KCNK13: variants seen among roughly 807,000 people sequenced by gnomAD.
KCNK13 encodes the protein potassium two pore domain channel subfamily K member 13, also known as potassium channel subfamily K member 13.
A neutral mutation model predicts 23.4 loss-of-function variants in KCNK13; 12 were observed. That is an observed-to-expected ratio of 0.51 (90% CI 0.33 to 0.83). The LOEUF is 0.83. Ranked by LOEUF, KCNK13 falls within the 40% of genes least tolerant of loss-of-function variation. KCNK13 has a pLI of 0.02. For synonymous variants in KCNK13, 231 were observed against 229.5 expected (o/e 1.01, Z -0.06); for missense variants, 463 against 556.3 (o/e 0.83, Z 1.69).
intron 1 of KCNK13, among the ~76,000 whole-genome samples, chr14:90,169,672 C>A (rs1000000373): frequency 3.3e-5 from 5 of 152,136 alleles, no homozygotes; most frequent in African/African-American, 4.8e-5. Context: ...AGTACAGATG[C>A]CCCCTGGACC....
intron 1 of KCNK13, among the ~76,000 whole-genome samples, chr14:90,140,593 T>C (rs1566643983): frequency 1.3e-5 from 2 of 152,078 alleles, no homozygotes; most frequent in African/African-American, 2.4e-5. Context: ...TGAAACCCAT[T>C]TCATTTTAAT....
intron 1 of KCNK13, among the ~76,000 whole-genome samples, chr14:90,137,835 C>T (rs1229457165): frequency 3.9e-5 from 6 of 152,130 alleles, no homozygotes; most frequent in African/African-American, 7.2e-5. Flanking sequence ...CTTACACACA[C>T]GATTGTGTGT....
intron 1 of KCNK13, among the ~76,000 whole-genome samples, chr14:90,088,762 C>A (rs1152440): frequency 6.6e-6 from 1 of 151,982 alleles, no homozygotes; most frequent in African/African-American, 2.4e-5. Flanking sequence ...ACAATTCCCA[C>A]GTGTCATGGG....
chr14:90,099,641 C>G (rs933820316), intron 1 of KCNK13, among the ~76,000 whole-genome samples: 4 of 152,122 alleles, frequency 2.6e-5, no homozygotes, highest in East Asian at 1.9e-4. Flanking sequence ...GTTGAGGACT[C>G]TAGATGGAAG....
intron 1 of KCNK13, among the ~76,000 whole-genome samples, chr14:90,065,763 A>G (rs1326972914): frequency 6.6e-6 from 1 of 152,180 alleles, no homozygotes; most frequent in Non-Finnish European, 1.5e-5. Context: ...GGTAGCCCTC[A>G]CGCAGAGATA....
chr14:90,093,784 T>G (rs1381369881), intron 1 of KCNK13, among the ~76,000 whole-genome samples: 1 of 152,344 alleles, frequency 6.6e-6, no homozygotes, highest in South Asian at 2.1e-4. Context: ...GTTTCCTTGT[T>G]CATGGGTGGA....
chr14:90,135,310 C>T (rs1234848942), intron 1 of KCNK13, among the ~76,000 whole-genome samples: 2 of 152,124 alleles, frequency 1.3e-5, no homozygotes, highest in East Asian at 1.9e-4. Context: ...CTCCTTGGGC[C>T]GCCTCAGGGT....
At chr14:90,083,269 T>C (rs150259967) in intron 1 of KCNK13, among the ~76,000 whole-genome samples, 2 of 152,360 alleles carry the variant, frequency 1.3e-5, no homozygotes, top group East Asian at 3.9e-4. Context: ...TTTGATAAAG[T>C]CCAATTTATT....
In KCNK13 at chr14:90,164,762, C is replaced by G. The variant is rs111999704; in HGVS notation, c.335-19349C>G. Among the ~76,000 whole-genome samples, 519 of 152,272 alleles carry G rather than the reference C, an allele frequency of 3.4e-3. 3 individuals carry two copies. Among genetic ancestry groups the G allele is most frequent in the African/African-American group, 0.012 (505 of 41,552 alleles). On this transcript the variant is annotated intron_variant, in intron 1 of 1. Coordinates refer to ENST00000282146, the MANE Select transcript of KCNK13 (RefSeq NM_022054.4). ...TTGTATCCCTGGGCCATGCTTTATTCTTGACACTTAAGTAAAACCATAAAA... is the reference window on the plus strand; with the variant it reads ...TTGTATCCCTGGGCCATGCTTTATTGTTGACACTTAAGTAAAACCATAAAA...
intron 1 of KCNK13, among the ~76,000 whole-genome samples, chr14:90,127,746 G>A (rs1463194010): frequency 5.4e-5 from 8 of 147,524 alleles, no homozygotes; most frequent in African/African-American, 1.0e-4. Flanking sequence ...TTGAGTCCAG[G>A]AGTTCGAGGC....
In KCNK13 at chr14:90,184,057, C is replaced by T. The variant is rs1194969060; in HGVS notation, c.335-54C>T. ...CCAGCCATCAAAGCCAAGACCTAGA[C>T]CCCATTCACAGCAAAGATTTCTCTT... On this transcript the variant is annotated intron_variant, in intron 1 of 1. Transcript: ENST00000282146. This position sits in a 1 kb window ranked among gnomAD's most constrained non-coding sequence, Gnocchi z 5.6. The T allele has an allele frequency of 3.3e-6, 5 of 1,521,440 alleles. No individual in the cohort carries two copies. The highest frequency in any genetic ancestry group is 2.5e-5 in the South Asian group (2 of 81,228). The allele number at this position is 1,521,440 out of a possible 1,614,324, so 94.2% of individuals were successfully genotyped here. A position where few individuals can be genotyped will look rare whatever the true frequency, so the allele number is the denominator to read the frequency against.
In KCNK13 at chr14:90,121,736, T is replaced by A. The variant is rs371838421; in HGVS notation, c.334+59197T>A. Among the ~76,000 whole-genome samples, 184 of 152,264 alleles carry A rather than the reference T, an allele frequency of 1.2e-3. 1 individual carries two copies. Among genetic ancestry groups the A allele is most frequent in the South Asian group, 8.9e-3 (43 of 4,820 alleles). On this transcript the variant is annotated intron_variant, in intron 1 of 1. Transcript: ENST00000282146. ...TGTGCTTTTTATTTTATTTTATTTT[T>A]TTTGAGACAGTCTCGCTCTGTCGCC...
chr14:90,180,765 A>G (rs1487389107), intron 1 of KCNK13, among the ~76,000 whole-genome samples: 1 of 152,194 alleles, frequency 6.6e-6, no homozygotes, highest in African/African-American at 2.4e-5. Flanking sequence ...GTCTGTGCCT[A>G]TGTCACTCAT....
At chr14:90,088,303 G>A (rs560605167) in intron 1 of KCNK13, among the ~76,000 whole-genome samples, 3 of 152,072 alleles carry the variant, frequency 2.0e-5, no homozygotes, top group East Asian at 1.9e-4. Context: ...ATGTTGATGA[G>A]TTGGTAAATG....
At chr14:90,172,932 C>T (rs1268997315) in intron 1 of KCNK13, among the ~76,000 whole-genome samples, 3 of 152,172 alleles carry the variant, frequency 2.0e-5, no homozygotes, top group Admixed American at 1.3e-4. Flanking sequence ...AACCCACTGC[C>T]CTTGCATGAA....
At chr14:90,135,636 T>C (rs1282392233) in intron 1 of KCNK13, among the ~76,000 whole-genome samples, 1 of 152,152 alleles carries the variant, frequency 6.6e-6, no homozygotes, top group Admixed American at 6.5e-5. Flanking sequence ...GGCTCCCACA[T>C]CAGGGTTGGG....
At chr14:90,114,892 C>T (rs1889657916) in intron 1 of KCNK13, among the ~76,000 whole-genome samples, 1 of 152,200 alleles carries the variant, frequency 6.6e-6, no homozygotes, top group Non-Finnish European at 1.5e-5. Flanking sequence ...GTGGGTTTCC[C>T]CTTCTGCTAG....
chr14:90,110,779 C>T (rs1443224979), intron 1 of KCNK13, among the ~76,000 whole-genome samples: 5 of 151,870 alleles, frequency 3.3e-5, no homozygotes, highest in Admixed American at 2.6e-4. Context: ...GAGGCCGAGG[C>T]GGGCAGATCA....
At chr14:90,109,259 G>A (rs1275697419) in intron 1 of KCNK13, among the ~76,000 whole-genome samples, 1 of 151,658 alleles carries the variant, frequency 6.6e-6, no homozygotes, top group Non-Finnish European at 1.5e-5. Context: ...AGTCTCTAGT[G>A]AGAATGTTTA....
Sources: allele counts gnomAD v4.1 joint callset (sites outside exome capture counted in the v4.1 genomes callset), GRCh38; gene constraint gnomAD v4.1.1; non-coding constraint Gnocchi (gnomAD v3.1); transcripts MANE v1.5; gene names NCBI Gene and HGNC (gene_info 2026-07-23, HGNC 2026-07-21).